The following HEATR5B variants were observed in gnomAD, a reference collection of about 807,000 sequenced individuals.
HEATR5B encodes the protein HEAT repeat-containing protein 5B.
Under a neutral mutation model 224.1 loss-of-function variants are expected in HEATR5B, and 156 were observed. The ratio of observed to expected loss-of-function variants is 0.70; its 90% CI spans 0.61 to 0.80. The LOEUF (loss-of-function observed/expected upper bound fraction) is 0.80. Among genes scored for constraint, HEATR5B ranks in the 30% least tolerant of loss-of-function variants. The pLI, the probability that HEATR5B is intolerant of heterozygous loss-of-function variation, is 0.00. For synonymous variants in HEATR5B, 1,027 were observed against 893.0 expected, an observed-to-expected ratio of 1.15 and a Z score of -2.68; for missense variants, 2,323 against 2,535.5, an observed-to-expected ratio of 0.92 and a Z score of 1.80.
intron 6 of HEATR5B, among the ~76,000 whole-genome samples, chr2:37,071,679 C>CT (rs869279842): frequency 7.6e-4 from 106 of 138,660 alleles, no homozygotes; most frequent in Admixed American, 1.7e-3. Context: ...CATTTGGGTT[C>CT]TTTTTTTTTT....
chr2:37,026,482 G>A (rs1390174614), intron 24 of HEATR5B, among the ~76,000 whole-genome samples: 1 of 152,090 alleles, frequency 6.6e-6, no homozygotes, highest in African/African-American at 2.4e-5. Context: ...CCTCTTCTGT[G>A]ACGTCTTCCC....
intron 18 of HEATR5B, among the ~76,000 whole-genome samples, chr2:37,042,083 G>A (rs1259882406): frequency 6.6e-6 from 1 of 150,954 alleles, no homozygotes; most frequent in Non-Finnish European, 1.5e-5. Flanking sequence ...TACATAAAAA[G>A]AGATGAACAT....
chr2:36,996,982 T>TA (rs11417751), intron 33 of HEATR5B, among the ~76,000 whole-genome samples: 77,983 of 151,932 alleles, frequency 0.51, 20,135 homozygotes, highest in South Asian at 0.56. Flanking sequence ...CTTGACCTCC[T>TA]AAGTGCTGGG....
chr2:37,037,149 T>C (rs930273186), intron 21 of HEATR5B, among the ~76,000 whole-genome samples: 1 of 132,284 alleles, frequency 7.6e-6, no homozygotes, highest in Admixed American at 7.6e-5. Flanking sequence ...AAATGTGATA[T>C]ATATATATAT....
rs1327476284 is a variant in HEATR5B at position 37,008,775 on chromosome 2, T to C, written c.4358A>G (p.Asp1453Gly). Residue 1453 changes from aspartate (D) to glycine (G), a missense_variant, in exon 28 of 36, where the codon GAT becomes GGT. Transcript: ENST00000233099. The stretch of plus-strand genomic sequence containing the variant: ...GATGGTACCACAGTCGTCATCATCA[T>C]CGTCAGTATTTTTAATTGCTCTTTT... ...KPKRAIKNTDDDDDDCGTIDE... is the reference protein window; with the variant it reads ...KPKRAIKNTDGDDDDCGTIDE... 12 of 1,614,180 alleles carry C rather than the reference T, an allele frequency of 7.4e-6. No homozygotes were observed. Among genetic ancestry groups the C allele is most frequent in the Admixed American group, 5.0e-5 (3 of 60,018 alleles).
At chr2:37,056,023 T>C (rs544050439) in intron 16 of HEATR5B, among the ~76,000 whole-genome samples, 1 of 152,216 alleles carries the variant, frequency 6.6e-6, no homozygotes, top group African/African-American at 2.4e-5. Flanking sequence ...TTCATCCATT[T>C]ACTTCCTCAA....
rs761102666 is a variant in HEATR5B, at chr2:37,060,585, T to C, written c.1845A>G (p.Leu615=). The change falls in exon 12 of 36, where the codon CTA becomes CTG. Residue 615 remains leucine, a synonymous_variant. Transcript: ENST00000233099. ...CACAATCCTTTCAGTTCTTACCACA[T>C]AGAGCTCCAGCACGACCTTCCAAAG... The part of the protein sequence containing the change: ...QVTLEGRAGA[L]CAMRSFVAHC... The C allele has an allele frequency of 5.5e-5, 89 of 1,612,932 alleles. No homozygotes were observed. The highest frequency in any genetic ancestry group is 1.6e-4 in the Middle Eastern group (1 of 6,080).
intron 21 of HEATR5B, among the ~76,000 whole-genome samples, chr2:37,036,636 C>A (rs1162903208): frequency 1.3e-5 from 2 of 151,902 alleles, no homozygotes; most frequent in African/African-American, 4.8e-5. Flanking sequence ...TTCAGCCTCC[C>A]GAGTAGCTGA....
intron 22 of HEATR5B, among the ~76,000 whole-genome samples, chr2:37,031,256 C>G (rs1442633304): frequency 6.6e-6 from 1 of 152,092 alleles, no homozygotes; most frequent in African/African-American, 2.4e-5. Flanking sequence ...TGAGTCCACC[C>G]AGGAAATCAT....
At chr2:37,055,066 A>G in intron 16 of HEATR5B, 1 of 396,988 alleles carries the variant, frequency 2.5e-6, no homozygotes, top group Middle Eastern at 3.6e-4. Flanking sequence ...AAAAATTCTT[A>G]AAAGTAAGTA....
chr2:37,075,779 T>C lies in HEATR5B; in HGVS notation c.448-145A>G, dbSNP rs951873898. On this transcript the variant is annotated intron_variant, in intron 4 of 35. Coordinates refer to ENST00000233099, the MANE Select transcript of HEATR5B (RefSeq NM_019024.3). ...TAATGAAAAGTACAATAAAATTAAG[T>C]ATTCTAGAAAGTACCTGGCAAGTAA... 21 of 503,478 alleles carry C rather than the reference T, an allele frequency of 4.2e-5. No homozygotes were observed. In the Admixed American group the frequency reaches 7.7e-4, roughly 19 times the overall value. 31.2% of individuals were successfully genotyped at this position (503,478 alleles called of 1,614,324 possible).
chr2:37,059,769 AT>A (rs1313745082), intron 12 of HEATR5B, among the ~76,000 whole-genome samples: 3 of 151,852 alleles, frequency 2.0e-5, no homozygotes, highest in Non-Finnish European at 4.4e-5. Context: ...CACTACATAT[AT>A]TTTTGCATTT....
intron 5 of HEATR5B, among the ~76,000 whole-genome samples, chr2:37,073,965 A>G (rs1358049750): frequency 6.6e-6 from 1 of 152,222 alleles, no homozygotes; most frequent in African/African-American, 2.4e-5. Context: ...ACATATACAC[A>G]CAACTGATTT....
chr2:37,012,692 G>C (rs893716306), intron 27 of HEATR5B, among the ~76,000 whole-genome samples: 1 of 152,132 alleles, frequency 6.6e-6, no homozygotes, highest in South Asian at 2.1e-4. Flanking sequence ...GCCTGGCCTA[G>C]GGCGCAGTTT....
chr2:36,986,388 A>C (rs1026715838), intron 35 of HEATR5B, among the ~76,000 whole-genome samples: 1 of 152,160 alleles, frequency 6.6e-6, no homozygotes, highest in Non-Finnish European at 1.5e-5. Flanking sequence ...TTAATCATCA[A>C]ATCAGATAAA....
chr2:37,059,978 G>A (rs1424584373), intron 12 of HEATR5B, among the ~76,000 whole-genome samples: 1 of 151,328 alleles, frequency 6.6e-6, no homozygotes, highest in Non-Finnish European at 1.5e-5. Context: ...GGAAAAAGAA[G>A]TAGTTTTCAC....
chr2:37,057,176 C>G, intron 15 of HEATR5B, 141 bp downstream of exon 15: 1 of 533,330 alleles, frequency 1.9e-6, no homozygotes, highest in Non-Finnish European at 3.1e-6. Flanking sequence ...TATCTACCAC[C>G]AGGATGCCAT....
chr2:37,012,982 GCTCAGCAAACGTAATATAT>G (rs1388575251), intron 27 of HEATR5B, among the ~76,000 whole-genome samples: 14 of 152,150 alleles, frequency 9.2e-5, no homozygotes, highest in Admixed American at 5.2e-4. Context: ...AGTTTGTCTT[GCTCAGCAAACGTAATATAT>G]CTCACCCCCG....
chr2:37,003,553 C>T lies in HEATR5B; in HGVS notation c.5039G>A (p.Arg1680Lys). Residue 1680 changes from arginine (R) to lysine (K), a missense_variant, in exon 31 of 36, where the codon AGA (arginine) becomes AAA (lysine). This residue lies in a region of HEATR5B where 844 missense variants were observed against 812.9 expected (regional missense o/e 1.04). Coordinates refer to ENST00000233099, the MANE Select transcript of HEATR5B (RefSeq NM_019024.3). ...TTTCTAGTGCTTACTTAGAGTGTTT[C>T]TTTTCTCTTGCAAATAATCCTGAGC... ...RAAQDYLQEK[R>K]NTLNEDDMEK... The T allele has an allele frequency of 6.2e-7, 1 of 1,604,528 alleles. No homozygotes were observed. Among genetic ancestry groups the T allele is most frequent in the South Asian group, 1.1e-5 (1 of 89,318 alleles).
Sources: gnomAD v4.1 joint callset for allele counts (sites outside exome capture counted in the v4.1 genomes callset) on GRCh38, gnomAD v4.1.1 for gene constraint, gnomAD v4.1.1 regional missense constraint, MANE v1.5 for transcripts, NCBI Gene and HGNC (gene_info 2026-07-23, HGNC 2026-07-21) for gene names.